WDR27: variants seen among roughly 807,000 people sequenced by gnomAD.
WDR27 encodes WD repeat-containing protein 27.
Under a neutral mutation model 114.4 loss-of-function variants are expected in WDR27, and 100 were observed. The observed-to-expected ratio is 0.87, with a 90% CI of 0.74 to 1.03. The LOEUF (loss-of-function observed/expected upper bound fraction) is 1.03. Ranked by LOEUF, WDR27 falls within the 50% of genes least tolerant of loss-of-function variation. WDR27 has a pLI of 0.00. For missense variants in WDR27, 1,129 were observed against 1,092.9 expected, an observed-to-expected ratio of 1.03 and a Z score of -0.47; for synonymous variants, 449 against 423.1, an observed-to-expected ratio of 1.06 and a Z score of -0.75.
At chr6:169,612,548 G>A (rs1040788581) in intron 22 of WDR27, among the ~76,000 whole-genome samples, 1 of 150,230 alleles carries the variant, frequency 6.7e-6, no homozygotes, top group Admixed American at 6.6e-5. Context: ...GGGGTGGGGT[G>A]GTGGGGCAGG....
At chr6:169,636,571 A>C in intron 18 of WDR27, 67 bp from the exon 19 acceptor site, 1 of 1,455,526 alleles carries the variant, frequency 6.9e-7, no homozygotes, top group African/African-American at 1.4e-5. Flanking sequence ...TGCTCTAAAC[A>C]TAAAATTATT....
At chr6:169,578,046 T>C (rs1348563902) in intron 24 of WDR27, among the ~76,000 whole-genome samples, 1 of 152,186 alleles carries the variant, frequency 6.6e-6, no homozygotes, top group Non-Finnish European at 1.5e-5. Context: ...TCCCCTATTC[T>C]GGAAACGCGT....
intron 25 of WDR27, among the ~76,000 whole-genome samples, chr6:169,490,529 C>T (rs545048452): frequency 2.1e-3 from 325 of 152,282 alleles, no homozygotes; most frequent in African/African-American, 7.2e-3. Flanking sequence ...AAGGGAAGGA[C>T]CCACAAACCT....
intron 25 of WDR27, among the ~76,000 whole-genome samples, chr6:169,473,240 T>C (rs796913673): frequency 9.2e-5 from 14 of 152,314 alleles, no homozygotes; most frequent in African/African-American, 3.4e-4. Context: ...AAACAGAAGA[T>C]GTGCCACTTG....
chr6:169,625,186 C>T (rs193283203), intron 21 of WDR27, among the ~76,000 whole-genome samples: 38 of 152,348 alleles, frequency 2.5e-4, no homozygotes, highest in African/African-American at 7.0e-4. Flanking sequence ...GCAGATCCAA[C>T]GGTTGTAACT....
In WDR27 at chr6:169,651,184, GGGGGGGGGGAGT is replaced by G. The variant is rs1562817340; in HGVS notation, c.1481+734_1481+745del. The stretch of plus-strand genomic sequence containing the variant: ...TGCCTGGAGCACAGCAGTGCGGGGC[GGGGGGGGGGAGT>G]GGGGGAGTGGGGGAGTGGCCAGGGG... On this transcript the variant is annotated intron_variant, in intron 14 of 25. Transcript: ENST00000448612. Among the ~76,000 whole-genome samples the G allele has an allele frequency of 3.2e-5, 3 of 92,524 alleles. 1 individual carries two copies. Among genetic ancestry groups the G allele is most frequent in the African/African-American group, 5.8e-5 (1 of 17,302 alleles). The allele number at this position is 92,524 out of a possible 152,430, so 60.7% of individuals were successfully genotyped here.
In WDR27 at chr6:169,471,856, C is replaced by CA. The variant is rs1786444701; in HGVS notation, c.2646-14223dup. On this transcript the variant is annotated intron_variant, in intron 25 of 25. Transcript: ENST00000448612. The stretch of plus-strand genomic sequence containing the variant: ...GGGAAGTCCAAGATCATGGTACCAG[C>CA]AGATTTGGTGTCTGGTGAGGGCTGC... Among the ~76,000 whole-genome samples the CA allele has an allele frequency of 5.3e-5, 8 of 152,280 alleles. No homozygotes were observed. The South Asian group carries it at 1.7e-3, about 32-fold the overall frequency.
chr6:169,569,011 C>T (rs1461386444), intron 25 of WDR27, among the ~76,000 whole-genome samples: 2 of 152,048 alleles, frequency 1.3e-5, no homozygotes, highest in African/African-American at 2.4e-5. Context: ...GAAGAGACGC[C>T]GCCCACCCAA....
chr6:169,426,844 C>T, the WDR27 span: 318 of 152,844 alleles, frequency 2.1e-3, no homozygotes, highest in Non-Finnish European at 3.4e-3. Context: ...TCAGCACCTG[C>T]CTGCTGCCTG....
At chr6:169,448,432 A>T in the WDR27 span, among the ~76,000 whole-genome samples, 3 of 150,332 alleles carry the variant, frequency 2.0e-5, no homozygotes, top group East Asian at 2.0e-4. Flanking sequence ...GTATATATAT[A>T]TATTTTTTTA....
intron 25 of WDR27, among the ~76,000 whole-genome samples, chr6:169,538,915 C>T (rs1187341218): frequency 4.6e-5 from 7 of 152,034 alleles, no homozygotes; most frequent in Non-Finnish European, 1.5e-5. Flanking sequence ...AATGTGTAGG[C>T]CATATAGTTT....
chr6:169,631,974 C>A lies in WDR27; in HGVS notation c.2223+973G>T, dbSNP rs191905665. On this transcript the variant is annotated intron_variant, in intron 21 of 25. Transcript: ENST00000448612. The stretch of plus-strand genomic sequence containing the variant: ...GGCCGAGGCAGGCTGATCACAAGGT[C>A]AGGAGTTCGAGACCAGCCTGACCAA... 3.3e-5 allele frequency among the ~76,000 whole-genome samples: 5 copies of A among 152,174 alleles called. No individual in the cohort carries two copies. In the East Asian group the frequency reaches 9.7e-4, roughly 29 times the overall value.
chr6:169,691,497 T>C (rs1017398231), intron 1 of WDR27, among the ~76,000 whole-genome samples: 4 of 152,170 alleles, frequency 2.6e-5, no homozygotes, highest in Admixed American at 1.3e-4. Flanking sequence ...AAGGGAACAA[T>C]ACGAACCTGC....
At chr6:169,574,950 A>G (rs992456294) in intron 24 of WDR27, among the ~76,000 whole-genome samples, 24 of 152,206 alleles carry the variant, frequency 1.6e-4, no homozygotes, top group Non-Finnish European at 1.9e-4. Context: ...AACAGGACAG[A>G]AAGGCAGAGG....
At chr6:169,513,029 T>C (rs1053188914) in intron 25 of WDR27, among the ~76,000 whole-genome samples, 19 of 152,222 alleles carry the variant, frequency 1.2e-4, no homozygotes, top group African/African-American at 3.4e-4. Flanking sequence ...CAGTTACTTA[T>C]TGTTGCACCA....
chr6:169,488,240 C>T (rs73789964), intron 25 of WDR27, among the ~76,000 whole-genome samples: 2,015 of 152,316 alleles, frequency 0.013, 51 homozygotes, highest in African/African-American at 0.045. Flanking sequence ...CTTAGAGCAG[C>T]GTCTCTAGCG....
At chr6:169,691,811 A>G (rs1423362638) in intron 1 of WDR27, among the ~76,000 whole-genome samples, 1 of 152,216 alleles carries the variant, frequency 6.6e-6, no homozygotes, top group Non-Finnish European at 1.5e-5. Flanking sequence ...GATTATCATT[A>G]TTACAGTGAC....
At chr6:169,546,143 A>G (rs1419164893) in intron 25 of WDR27, among the ~76,000 whole-genome samples, 1 of 152,204 alleles carries the variant, frequency 6.6e-6, no homozygotes, top group Non-Finnish European at 1.5e-5. Context: ...TGGCAAGGAC[A>G]CGAAGAAATG....
At chr6:169,440,986 T>TC in the WDR27 span, among the ~76,000 whole-genome samples, 3 of 152,192 alleles carry the variant, frequency 2.0e-5, no homozygotes, top group Non-Finnish European at 4.4e-5. Context: ...GGTTTTTTTT[T>TC]CTTGTATTTT....
Sources: gnomAD v4.1 joint callset for allele counts (sites outside exome capture counted in the v4.1 genomes callset) on GRCh38, gnomAD v4.1.1 for gene constraint, MANE v1.5 for transcripts, NCBI Gene and HGNC (gene_info 2026-07-23, HGNC 2026-07-21) for gene names.